The following SPAG16 variants were observed in gnomAD, a reference collection of about 807,000 sequenced individuals.
SPAG16 encodes the protein sperm associated antigen 16.
Under a neutral mutation model 80.4 loss-of-function variants are expected in SPAG16, and 86 were observed. The ratio of observed to expected loss-of-function variants is 1.07; its 90% CI spans 0.90 to 1.28. SPAG16 has a LOEUF of 1.28. SPAG16 is among the 50% of genes most tolerant of loss of function. The pLI, the probability that SPAG16 is intolerant of heterozygous loss-of-function variation, is 0.00. For missense variants in SPAG16, 870 were observed against 765.3 expected (o/e 1.14, Z -1.61); for synonymous variants, 294 against 265.9 (o/e 1.11, Z -1.03).
intron 11 of SPAG16, among the ~76,000 whole-genome samples, chr2:213,866,532 A>G (rs1478835365): frequency 2.6e-5 from 4 of 152,130 alleles, no homozygotes; most frequent in Non-Finnish European, 2.9e-5. Flanking sequence ...ACACGTTTGC[A>G]TATATTGTTA....
intron 10 of SPAG16, among the ~76,000 whole-genome samples, chr2:213,764,171 G>A (rs1052658671): frequency 6.6e-6 from 1 of 152,260 alleles, no homozygotes; most frequent in Admixed American, 6.5e-5. Context: ...CTATGTAAAC[G>A]AGATTTTAAA....
intron 10 of SPAG16, among the ~76,000 whole-genome samples, chr2:213,733,872 T>C (rs765425020): frequency 2.0e-5 from 3 of 152,224 alleles, no homozygotes; most frequent in Non-Finnish European, 4.4e-5. Flanking sequence ...ATGGAGCAAC[T>C]TGCAAGCTCT....
chr2:214,045,209 G>C lies in SPAG16; in HGVS notation c.1527+31132G>C, dbSNP rs189161673. ...CATCTTAAATACCAGCTCTGCCAGA[G>C]TAGGATAGGGCACCGTAAGAGTTGT... is the stretch of plus-strand genomic sequence containing the variant. On this transcript the variant is annotated intron_variant, in intron 13 of 15. Transcript: ENST00000331683. Among the ~76,000 whole-genome samples the C allele has an allele frequency of 1.9e-3, 291 of 152,254 alleles. 2 individuals are homozygous for C. Among genetic ancestry groups the C allele is most frequent in the Non-Finnish European group, 2.0e-3 (135 of 68,028 alleles).
At chr2:213,859,454 C>T (rs2075327582) in intron 10 of SPAG16, among the ~76,000 whole-genome samples, 1 of 152,062 alleles carries the variant, frequency 6.6e-6, no homozygotes, top group South Asian at 2.1e-4. Context: ...TGGTGGTACC[C>T]AGCTCTGATA....
chr2:213,825,779 T>C (rs773991482), intron 10 of SPAG16, among the ~76,000 whole-genome samples: 10 of 148,714 alleles, frequency 6.7e-5, no homozygotes, highest in Non-Finnish European at 1.2e-4. Context: ...ATATAATGGG[T>C]TCGGAAAAAT....
intron 10 of SPAG16, among the ~76,000 whole-genome samples, chr2:213,784,821 T>A (rs2070235638): frequency 6.6e-6 from 1 of 151,964 alleles, no homozygotes; most frequent in Non-Finnish European, 1.5e-5. Flanking sequence ...GTAGCTAATG[T>A]CCCTACTTTT....
intron 12 of SPAG16, among the ~76,000 whole-genome samples, chr2:213,931,725 A>G (rs984416307): frequency 1.3e-5 from 2 of 152,100 alleles, no homozygotes; most frequent in African/African-American, 4.8e-5. Flanking sequence ...CTGACTTCCA[A>G]TTGGTGCCCA....
chr2:213,830,855 AT>A (rs1444097030), intron 10 of SPAG16, among the ~76,000 whole-genome samples: 1 of 151,870 alleles, frequency 6.6e-6, no homozygotes, highest in Non-Finnish European at 1.5e-5. Context: ...ATTTTTATGC[AT>A]TTGTCTTTCG....
At chr2:213,764,676 A>G (rs1001598600) in intron 10 of SPAG16, among the ~76,000 whole-genome samples, 1 of 152,186 alleles carries the variant, frequency 6.6e-6, no homozygotes, top group Non-Finnish European at 1.5e-5. Context: ...AATATTTACT[A>G]CTACTGAGAG....
chr2:213,678,790 C>T (rs1242240532), intron 10 of SPAG16, among the ~76,000 whole-genome samples: 1 of 152,180 alleles, frequency 6.6e-6, no homozygotes. Flanking sequence ...TGTACGCAGG[C>T]AGCACTTCCT....
chr2:214,231,474 C>T (rs1443918700), intron 15 of SPAG16, among the ~76,000 whole-genome samples: 1 of 151,822 alleles, frequency 6.6e-6, no homozygotes, highest in East Asian at 1.9e-4. Flanking sequence ...ATAAATAATA[C>T]TTATAAGTTT....
rs141402156 is a variant in SPAG16, at chr2:213,458,186, A to G, written c.943-31777A>G. Among the ~76,000 whole-genome samples, 326 of 152,190 alleles carry G rather than the reference A, an allele frequency of 2.1e-3. 2 individuals are homozygous for G. The highest frequency in any genetic ancestry group is 7.4e-3 in the African/African-American group (309 of 41,522). On this transcript the variant is annotated intron_variant, in intron 9 of 15. Transcript: ENST00000331683. ...TTAATTTTCTTTTAGATATACTCACATATTTACCTATGCCATTTATCATCA... is the reference window on the plus strand; with the variant it reads ...TTAATTTTCTTTTAGATATACTCACGTATTTACCTATGCCATTTATCATCA...
chr2:214,332,831 GT>G (rs1370875001), intron 15 of SPAG16, among the ~76,000 whole-genome samples: 81 of 152,014 alleles, frequency 5.3e-4, no homozygotes, highest in African/African-American at 1.9e-3. Context: ...TAATATAGGG[GT>G]TCTGTCACCT....
intron 15 of SPAG16, among the ~76,000 whole-genome samples, chr2:214,308,279 G>T (rs972796600): frequency 5.9e-5 from 9 of 152,072 alleles, no homozygotes; most frequent in African/African-American, 2.2e-4. Context: ...GCCTATTTGG[G>T]TCACTGCATG....
intron 10 of SPAG16, among the ~76,000 whole-genome samples, chr2:213,630,374 A>C (rs1574562119): frequency 6.7e-6 from 1 of 149,602 alleles, no homozygotes. Flanking sequence ...ACAGAGCAAG[A>C]CTCCATCTCA....
chr2:213,530,720 A>T (rs1338319787), intron 10 of SPAG16, among the ~76,000 whole-genome samples: 6 of 152,060 alleles, frequency 3.9e-5, no homozygotes, highest in African/African-American at 7.2e-5. Context: ...ATTATTTTCT[A>T]TTATCTAGTA....
intron 5 of SPAG16, among the ~76,000 whole-genome samples, chr2:213,322,334 CAA>C (rs755345457): frequency 4.2e-5 from 1 of 23,684 alleles, no homozygotes; most frequent in Non-Finnish European, 8.7e-5. Flanking sequence ...GTAGACAATG[CAA>C]AAAAAAAAAA....
chr2:213,777,144 G>T (rs2069640966), intron 10 of SPAG16, among the ~76,000 whole-genome samples: 1 of 144,824 alleles, frequency 6.9e-6, no homozygotes, highest in Admixed American at 7.0e-5. Context: ...AGAAACTATT[G>T]TTTTTCCTAC....
intron 10 of SPAG16, among the ~76,000 whole-genome samples, chr2:213,681,224 AAT>A (rs953002747): frequency 2.0e-5 from 3 of 152,210 alleles, no homozygotes; most frequent in African/African-American, 7.2e-5. Context: ...ATGGCAAGGA[AAT>A]ATATTTTGGG....
Sources: allele counts gnomAD v4.1 joint callset (sites outside exome capture counted in the v4.1 genomes callset), GRCh38; gene constraint gnomAD v4.1.1; transcripts MANE v1.5; gene names NCBI Gene and HGNC (gene_info 2026-07-23, HGNC 2026-07-21).